Variants in DDX60L observed in about 807,000 individuals in gnomAD.
DDX60L encodes DExD/H-box 60 like.
DDX60L carries 191 observed loss-of-function variants against 211.6 expected under a neutral mutation model. The ratio of observed to expected loss-of-function variants is 0.90; its 90% CI spans 0.80 to 1.02. The LOEUF (loss-of-function observed/expected upper bound fraction) is 1.02, where lower values mean the gene tolerates loss of function less well. Among genes scored for constraint, DDX60L ranks in the 50% least tolerant of loss-of-function variants. The pLI, the probability that DDX60L is intolerant of heterozygous loss-of-function variation, is 0.00. For missense variants in DDX60L, 2,007 were observed against 1,984.1 expected, an observed-to-expected ratio of 1.01 and a Z score of -0.22; for synonymous variants, 706 against 694.1, an observed-to-expected ratio of 1.02 and a Z score of -0.27.
chr4:168,436,575 G>T (rs1263165594), intron 10 of DDX60L, among the ~76,000 whole-genome samples: 1 of 152,126 alleles, frequency 6.6e-6, no homozygotes, highest in African/African-American at 2.4e-5. Context: ...GAAGGCTGGG[G>T]CAACGTTCTC....
intron 36 of DDX60L, among the ~76,000 whole-genome samples, chr4:168,363,781 G>A (rs1171838512): frequency 6.6e-6 from 1 of 151,986 alleles, no homozygotes; most frequent in South Asian, 2.1e-4. Context: ...CAACAAGAGA[G>A]GAATAAAGGA....
intron 10 of DDX60L, among the ~76,000 whole-genome samples, chr4:168,434,403 G>T (rs914584873): frequency 1.3e-5 from 2 of 152,134 alleles, no homozygotes; most frequent in Non-Finnish European, 2.9e-5. Flanking sequence ...CCCCATGAGG[G>T]TGCAGAGGAC....
chr4:168,385,919 C>T (rs1408358712), intron 29 of DDX60L, among the ~76,000 whole-genome samples: 1 of 151,818 alleles, frequency 6.6e-6, no homozygotes, highest in Non-Finnish European at 1.5e-5. Context: ...CATATACCCC[C>T]ACTCTTTCTC....
At chr4:168,437,666 A>G (rs1209993773) in intron 10 of DDX60L, among the ~76,000 whole-genome samples, 4 of 152,184 alleles carry the variant, frequency 2.6e-5, no homozygotes, top group Admixed American at 2.6e-4. Flanking sequence ...GACTGACAGA[A>G]CAGAATCTTT....
In DDX60L at chr4:168,423,743, A is replaced by T; in HGVS notation, c.1962T>A (p.Val654=). ...GKISKDLSIA[V]QMMKRIHSLL... Reference sequence around the variant, plus strand: ...GTGAATGAATCCTTTTCATCATTTGAACAGCTATACTTAAATCTTTCGAAA... The same window carrying T: ...GTGAATGAATCCTTTTCATCATTTGTACAGCTATACTTAAATCTTTCGAAA... Residue 654 remains valine, a synonymous_variant, in exon 15 of 38, where the codon GTT becomes GTA. Coordinates refer to ENST00000682922, the MANE Select transcript of DDX60L (RefSeq NM_001012967.3). 1 of 1,600,140 alleles carries T rather than the reference A, an allele frequency of 6.2e-7. No individual in the cohort carries two copies. The highest frequency in any genetic ancestry group is 8.5e-7 in the Non-Finnish European group (1 of 1,175,864).
chr4:168,431,632 G>T (rs559998277), intron 12 of DDX60L, among the ~76,000 whole-genome samples: 2 of 151,780 alleles, frequency 1.3e-5, no homozygotes, highest in Admixed American at 6.6e-5. Context: ...CAGCACACCA[G>T]CATGGCACAT....
chr4:168,463,677 G>A (rs1193800534), intron 4 of DDX60L, among the ~76,000 whole-genome samples: 2 of 152,064 alleles, frequency 1.3e-5, no homozygotes, highest in East Asian at 3.8e-4. Context: ...CTTTTCTATA[G>A]GTATCAATCA....
intron 33 of DDX60L, chr4:168,377,727 C>T (rs1419749774): frequency 6.6e-6 from 1 of 152,124 alleles, no homozygotes; most frequent in Non-Finnish European, 1.5e-5. Context: ...ATGCTAATTA[C>T]CTTTTTGTTC....
At chr4:168,390,499 T>C in intron 29 of DDX60L, 1 of 1,400,650 alleles carries the variant, frequency 7.1e-7, no homozygotes, top group Non-Finnish European at 9.2e-7. Context: ...AATCACAGTC[T>C]TCATATTCCA....
chr4:168,404,269 T>C (rs1487975434), intron 24 of DDX60L, among the ~76,000 whole-genome samples, 163 bp from the exon 25 acceptor site: 1 of 151,820 alleles, frequency 6.6e-6, no homozygotes, highest in Non-Finnish European at 1.5e-5. Flanking sequence ...GTGGTAAAAG[T>C]CAACAGAGTC....
intron 10 of DDX60L, among the ~76,000 whole-genome samples, chr4:168,438,968 G>C (rs142827636): frequency 3.9e-4 from 59 of 152,158 alleles, no homozygotes; most frequent in African/African-American, 1.3e-3. Flanking sequence ...ACAGTATTTA[G>C]GTTACAGGAT....
chr4:168,417,008 A>G (rs1749686041), intron 19 of DDX60L, among the ~76,000 whole-genome samples: 1 of 152,174 alleles, frequency 6.6e-6, no homozygotes, highest in Non-Finnish European at 1.5e-5. Flanking sequence ...TACAGATTCC[A>G]ATTCCAAAAA....
intron 8 of DDX60L, among the ~76,000 whole-genome samples, chr4:168,450,440 G>A (rs1391260154): frequency 1.4e-5 from 2 of 147,038 alleles, no homozygotes; most frequent in African/African-American, 5.1e-5. Flanking sequence ...AGGGGAGACT[G>A]AATTGAATAA....
At chr4:168,367,552 T>TGAAAATGAACTAAC (rs1347484166) in intron 36 of DDX60L, among the ~76,000 whole-genome samples, 9 of 152,210 alleles carry the variant, frequency 5.9e-5, no homozygotes, top group African/African-American at 2.2e-4. Context: ...AGTAAATTGG[T>TGAAAATGAACTAAC]ACCAGTAGAG....
At chr4:168,423,545 A>G (rs938826921) in intron 15 of DDX60L, 63 bp downstream of exon 15, 36 of 1,200,230 alleles carry the variant, frequency 3.0e-5, no homozygotes, top group Non-Finnish European at 4.1e-5. Context: ...TAGACCTATT[A>G]GTTATTCTTC....
intron 34 of DDX60L, among the ~76,000 whole-genome samples, chr4:168,375,130 A>G (rs1741716717): frequency 6.6e-6 from 1 of 151,736 alleles, no homozygotes; most frequent in Non-Finnish European, 1.5e-5. Context: ...AATGACTTTT[A>G]TTTTTTTTCC....
At chr4:168,438,671 G>C (rs561110434) in intron 10 of DDX60L, among the ~76,000 whole-genome samples, 11 of 152,262 alleles carry the variant, frequency 7.2e-5, no homozygotes, top group African/African-American at 2.6e-4. Flanking sequence ...ACCAGCTTGT[G>C]GTGCTTTGTG....
In DDX60L at chr4:168,423,703, G is replaced by T. The variant is rs907007319; in HGVS notation, c.2002C>A (p.Pro668Thr). ...TGATGTTCTGCTTCCAAAATTTCTG[G>T]GTATCTCTCCAGGAGTGAATGAATC... ...KRIHSLLERYPEILEAEHHQY... is the reference protein window; with the variant it reads ...KRIHSLLERYTEILEAEHHQY... Residue 668 changes from proline (P) to threonine (T), a missense_variant, in exon 15 of 38, where the codon CCA (proline) becomes ACA (threonine). By Grantham distance (38) the Pro-to-Thr change is conservative. Transcript: ENST00000682922. 4 of 1,607,614 alleles carry T rather than the reference G, an allele frequency of 2.5e-6. No individual in the cohort carries two copies. Among genetic ancestry groups the T allele is most frequent in the Admixed American group, 3.4e-5 (2 of 58,964 alleles).
intron 36 of DDX60L, among the ~76,000 whole-genome samples, chr4:168,368,554 G>A (rs2149618268): frequency 6.6e-6 from 1 of 152,324 alleles, no homozygotes; most frequent in African/African-American, 2.4e-5. Flanking sequence ...ATCCTAAGTG[G>A]GGCACTGCCT....
Sources: allele counts gnomAD v4.1 joint callset (sites outside exome capture counted in the v4.1 genomes callset), GRCh38; gene constraint gnomAD v4.1.1; transcripts MANE v1.5; gene names NCBI Gene and HGNC (gene_info 2026-07-23, HGNC 2026-07-21).